Variants in LRRTM3 observed in about 807,000 individuals in gnomAD.
The protein encoded by LRRTM3 is leucine-rich repeat transmembrane neuronal protein 3.
In LRRTM3, 24 loss-of-function variants were observed where a neutral mutation model predicts 44.7. The ratio of observed to expected loss-of-function variants is 0.54; its 90% CI spans 0.39 to 0.76. LRRTM3 has a LOEUF of 0.76. LRRTM3 is among the 30% of genes least tolerant of loss of function. LRRTM3 has a pLI of 0.00. For missense variants in LRRTM3, 587 were observed against 702.2 expected, an observed-to-expected ratio of 0.84 and a Z score of 1.85; for synonymous variants, 277 against 278.7, an observed-to-expected ratio of 0.99 and a Z score of 0.06.
intron 2 of LRRTM3, among the ~76,000 whole-genome samples, chr10:67,010,613 G>T (rs187113236): frequency 6.6e-6 from 1 of 152,110 alleles, no homozygotes; most frequent in Non-Finnish European, 1.5e-5. Context: ...CTTTACCACC[G>T]CCACCACCAC....
At chr10:67,063,058 A>C (rs1855856253) in intron 2 of LRRTM3, among the ~76,000 whole-genome samples, 1 of 152,144 alleles carries the variant, frequency 6.6e-6, no homozygotes, top group Admixed American at 6.5e-5. Context: ...CTGACTTGAA[A>C]TATTAAGTGT....
At chr10:67,061,508 T>C (rs957572306) in intron 2 of LRRTM3, among the ~76,000 whole-genome samples, 5 of 152,190 alleles carry the variant, frequency 3.3e-5, no homozygotes, top group African/African-American at 1.2e-4. Flanking sequence ...GTTCTGCATC[T>C]TTAGCTGGAG....
chr10:67,081,484 G>C (rs1399638073), intron 2 of LRRTM3, among the ~76,000 whole-genome samples: 6 of 152,124 alleles, frequency 3.9e-5, no homozygotes, highest in Non-Finnish European at 8.8e-5. Flanking sequence ...CAATATTGTG[G>C]CTCAGAGAGG....
chr10:66,974,381 A>G (rs1472271844), intron 2 of LRRTM3, among the ~76,000 whole-genome samples: 2 of 152,182 alleles, frequency 1.3e-5, no homozygotes, highest in Non-Finnish European at 2.9e-5. Context: ...CCTATACAGC[A>G]CACTTTACGC....
At chr10:66,929,938 C>A (rs543433588) in intron 2 of LRRTM3, among the ~76,000 whole-genome samples, 4 of 152,216 alleles carry the variant, frequency 2.6e-5, no homozygotes, top group Non-Finnish European at 5.9e-5. Flanking sequence ...GGAACTGCAA[C>A]ATTGAGGCTG....
intron 2 of LRRTM3, among the ~76,000 whole-genome samples, chr10:67,080,173 A>C (rs1248733857): frequency 1.3e-5 from 2 of 152,156 alleles, no homozygotes; most frequent in Non-Finnish European, 2.9e-5. Flanking sequence ...AAGAAAGAAA[A>C]TTATTCCTTT....
intron 2 of LRRTM3, among the ~76,000 whole-genome samples, chr10:66,940,846 A>G (rs1477269066): frequency 6.6e-6 from 1 of 152,152 alleles, no homozygotes; most frequent in Non-Finnish European, 1.5e-5. Context: ...TGCAGATGCC[A>G]TCTCTGGTAA....
In LRRTM3 at chr10:67,097,862, T is replaced by G. The variant is rs1858106217; in HGVS notation, c.*66T>G. On this transcript the variant is annotated 3_prime_UTR_variant, in exon 3 of 3. Transcript: ENST00000361320. ...AACCTCAAGGACAAAATGAGGAAGA[T>G]GTGTTCATTGTGGACTCTAAAAACA... 2.4e-5 allele frequency: 34 copies of G among 1,398,848 alleles called. No individual in the cohort carries two copies. Among genetic ancestry groups the G allele is most frequent in the Middle Eastern group, 3.7e-4 (2 of 5,336 alleles). 86.7% of individuals were successfully genotyped at this position (1,398,848 alleles called of 1,614,324 possible).
chr10:66,989,314 C>T (rs1850909748), intron 2 of LRRTM3, among the ~76,000 whole-genome samples: 1 of 152,090 alleles, frequency 6.6e-6, no homozygotes, highest in African/African-American at 2.4e-5. Context: ...TAATATATGT[C>T]AACTTATTCC....
At chr10:66,973,536 G>A (rs1257982548) in intron 2 of LRRTM3, among the ~76,000 whole-genome samples, 3 of 152,120 alleles carry the variant, frequency 2.0e-5, no homozygotes, top group Non-Finnish European at 4.4e-5. Context: ...GTTTGTTTTA[G>A]TAACATTCTC....
intron 2 of LRRTM3, among the ~76,000 whole-genome samples, chr10:67,054,372 C>T (rs1466765793): frequency 6.6e-6 from 1 of 152,122 alleles, no homozygotes; most frequent in African/African-American, 2.4e-5. Flanking sequence ...GCTTTTGTGT[C>T]ACACAAAGCT....
chr10:66,948,215 C>T (rs1310609860), intron 2 of LRRTM3, among the ~76,000 whole-genome samples: 2 of 152,168 alleles, frequency 1.3e-5, no homozygotes, highest in Admixed American at 6.5e-5. Flanking sequence ...ATTATGCCCA[C>T]TTGGTGAACT....
intron 2 of LRRTM3, among the ~76,000 whole-genome samples, chr10:66,973,996 G>GT (rs1168625977): frequency 1.3e-5 from 2 of 151,990 alleles, no homozygotes; most frequent in Non-Finnish European, 2.9e-5. Flanking sequence ...GGTTTAATAG[G>GT]TTTTACCAAC....
chr10:67,050,900 T>C (rs553484925), intron 2 of LRRTM3, among the ~76,000 whole-genome samples: 17 of 152,362 alleles, frequency 1.1e-4, no homozygotes, highest in African/African-American at 3.8e-4. Context: ...CAAATGATTC[T>C]TTATTTGCCA....
At chr10:67,011,147 G>A (rs955838126) in intron 2 of LRRTM3, among the ~76,000 whole-genome samples, 3 of 152,018 alleles carry the variant, frequency 2.0e-5, no homozygotes, top group Non-Finnish European at 4.4e-5. Context: ...GGCTAACACG[G>A]TGAAACCCCG....
chr10:67,033,531 G>C (rs1853861672), intron 2 of LRRTM3, among the ~76,000 whole-genome samples: 1 of 152,214 alleles, frequency 6.6e-6, no homozygotes, highest in Non-Finnish European at 1.5e-5. Context: ...GAGTGCAGTA[G>C]ACATAGTTCA....
At chr10:67,095,236 G>C (rs1857913359) in intron 2 of LRRTM3, among the ~76,000 whole-genome samples, 1 of 151,526 alleles carries the variant, frequency 6.6e-6, no homozygotes, top group Non-Finnish European at 1.5e-5. Flanking sequence ...TTGTTAATAA[G>C]ATAGAATCAA....
chr10:66,973,798 T>C (rs1232137295), intron 2 of LRRTM3, among the ~76,000 whole-genome samples: 1 of 152,086 alleles, frequency 6.6e-6, no homozygotes, highest in Non-Finnish European at 1.5e-5. Flanking sequence ...TAATTTTTTG[T>C]ATTTTTACTG....
At chr10:66,935,903 C>A (rs1282681855) in intron 2 of LRRTM3, among the ~76,000 whole-genome samples, 2 of 151,942 alleles carry the variant, frequency 1.3e-5, no homozygotes, top group Admixed American at 6.6e-5. Context: ...ATTTATACCC[C>A]ACCCACAAAA....
Sources: allele counts gnomAD v4.1 joint callset (sites outside exome capture counted in the v4.1 genomes callset), GRCh38; gene constraint gnomAD v4.1.1; transcripts MANE v1.5; gene names NCBI Gene and HGNC (gene_info 2026-07-23, HGNC 2026-07-21).